The following CNBD2 variants were observed in gnomAD, a reference collection of about 807,000 sequenced individuals.
CNBD2 encodes the protein cyclic nucleotide binding domain containing 2.
CNBD2 carries 64 observed loss-of-function variants against 63.7 expected under a neutral mutation model. That is an observed-to-expected ratio of 1.00 (90% confidence interval 0.82 to 1.24). CNBD2 has a LOEUF of 1.24. CNBD2 is among the 50% of genes most tolerant of loss of function. The pLI is 0.00. For missense variants in CNBD2, 691 were observed against 713.5 expected, an observed-to-expected ratio of 0.97 and a Z score of 0.36; for synonymous variants, 229 against 255.4, an observed-to-expected ratio of 0.90 and a Z score of 0.99.
At chr20:36,013,791 C>T (rs931630053) in intron 10 of CNBD2, among the ~76,000 whole-genome samples, 1 of 152,036 alleles carries the variant, frequency 6.6e-6, no homozygotes, top group Non-Finnish European at 1.5e-5. Flanking sequence ...GCAGGGGGAG[C>T]CTAGAATACT....
Position 35,973,263 on chromosome 20 carries a change from T to C in CNBD2, c.189+497T>C, listed in dbSNP as rs2056448392. On this transcript the variant is annotated intron_variant, in intron 2 of 11. Coordinates refer to ENST00000373973, the MANE Select transcript of CNBD2 (RefSeq NM_001365709.1). ...GAGGTGGTCTCCATTTCAATGGTGA[T>C]CAAAAGAGCCAGAAGCAATCCAGGA... 1.8e-5 allele frequency: 3 copies of C among 163,684 alleles called. No individual in the cohort carries two copies. In the South Asian group the frequency reaches 5.9e-4, roughly 32 times the overall value. 10.1% of individuals were successfully genotyped at this position (163,684 alleles called of 1,614,324 possible).
chr20:35,981,237 TC>T (rs2147234315), intron 4 of CNBD2, among the ~76,000 whole-genome samples: 1 of 152,222 alleles, frequency 6.6e-6, no homozygotes, highest in African/African-American at 2.4e-5. Flanking sequence ...GTTCCTTGGG[TC>T]CCCCTTTCCC....
chr20:35,980,707 C>T (rs2056587125), intron 4 of CNBD2, 85 bp downstream of exon 4: 2 of 1,276,506 alleles, frequency 1.6e-6, no homozygotes, highest in African/African-American at 2.9e-5. Context: ...GCAGGTCCTG[C>T]CCACCCCTCT....
At chr20:36,003,963 G>A (rs1051402550) in intron 8 of CNBD2, among the ~76,000 whole-genome samples, 1 of 152,150 alleles carries the variant, frequency 6.6e-6, no homozygotes, top group African/African-American at 2.4e-5. Flanking sequence ...CCTGCTTCCA[G>A]GCTAACTCAC....
chr20:36,004,302 C>T (rs2056955065), intron 8 of CNBD2, among the ~76,000 whole-genome samples: 2 of 152,154 alleles, frequency 1.3e-5, no homozygotes, highest in Non-Finnish European at 2.9e-5. Flanking sequence ...TCAGGGGAAA[C>T]TCTCTGCAGA....
intron 10 of CNBD2, among the ~76,000 whole-genome samples, chr20:36,019,697 G>A (rs2057182974): frequency 6.6e-6 from 1 of 152,062 alleles, no homozygotes; most frequent in Admixed American, 6.6e-5. Context: ...AGGCAGCAGT[G>A]ACATGAGGCT....
chr20:35,980,796 C>T (rs1214817293), intron 4 of CNBD2, among the ~76,000 whole-genome samples, 174 bp downstream of exon 4: 1 of 152,166 alleles, frequency 6.6e-6, no homozygotes, highest in Non-Finnish European at 1.5e-5. Context: ...CCCTTTATCT[C>T]GCTCACTTAT....
intron 10 of CNBD2, among the ~76,000 whole-genome samples, chr20:36,023,380 C>T (rs544070879): frequency 4.6e-5 from 7 of 152,146 alleles, no homozygotes; most frequent in Non-Finnish European, 7.4e-5. Context: ...CAAAAGGTAG[C>T]GCATGCCTGT....
chr20:36,029,051 C>T (rs778410299), intron 11 of CNBD2, among the ~76,000 whole-genome samples: 7 of 152,020 alleles, frequency 4.6e-5, no homozygotes, highest in Admixed American at 2.6e-4. Context: ...GAACTGAGAC[C>T]CCTGTGTGAA....
intron 10 of CNBD2, among the ~76,000 whole-genome samples, chr20:36,018,201 G>C (rs1298786673): frequency 6.6e-6 from 1 of 152,186 alleles, no homozygotes; most frequent in African/African-American, 2.4e-5. Context: ...GGCCTGGGCA[G>C]GATGGAGGCA....
chr20:36,000,132 A>C (rs1395432895), intron 8 of CNBD2, among the ~76,000 whole-genome samples: 1 of 152,070 alleles, frequency 6.6e-6, no homozygotes, highest in East Asian at 1.9e-4. Flanking sequence ...ACTTCCTTTA[A>C]CATTTCTTGT....
chr20:35,988,991 T>C (rs1175368861), intron 7 of CNBD2, among the ~76,000 whole-genome samples: 2 of 152,220 alleles, frequency 1.3e-5, no homozygotes, highest in Non-Finnish European at 2.9e-5. Context: ...TGGTTGATAA[T>C]GAAAAGAAAA....
chr20:35,972,430 A>G (rs1316161664), intron 1 of CNBD2, among the ~76,000 whole-genome samples, 199 bp from the exon 2 acceptor site: 1 of 152,164 alleles, frequency 6.6e-6, no homozygotes, highest in African/African-American at 2.4e-5. Flanking sequence ...AAGTACTCCT[A>G]CCATGGCCAG....
In CNBD2 at chr20:35,980,575, C is replaced by A. The variant is rs757110290; in HGVS notation, c.360C>A (p.Tyr120Ter). The A allele has an allele frequency of 1.2e-6, 2 of 1,614,016 alleles. No individual in the cohort carries two copies. Among genetic ancestry groups the A allele is most frequent in the Non-Finnish European group, 1.7e-6 (2 of 1,180,034 alleles). Residue 120 changes from tyrosine (Y) to a stop codon, truncating the protein, a stop_gained, in exon 4 of 12, where the codon TAC becomes TAA. Coordinates refer to ENST00000373973, the MANE Select transcript of CNBD2 (RefSeq NM_001365709.1). LOFTEE classifies it high-confidence loss of function. Reference sequence around the variant, plus strand: ...AGGTTCTGGATAGCTATCGGAACTACGCAGAGCCCCTGCAGCTGCTCCTGG... The same window carrying A: ...AGGTTCTGGATAGCTATCGGAACTAAGCAGAGCCCCTGCAGCTGCTCCTGG... ...ILQVLDSYRN[Y>*]AEPLQLLLAK...
At chr20:35,990,329 A>G (rs139658936) in intron 7 of CNBD2, among the ~76,000 whole-genome samples, 2 of 152,292 alleles carry the variant, frequency 1.3e-5, no homozygotes, top group East Asian at 3.9e-4. Flanking sequence ...TCGTCTAACA[A>G]TATTTAAAAG....
At chr20:35,981,042 C>T (rs887445882) in intron 4 of CNBD2, among the ~76,000 whole-genome samples, 1 of 152,206 alleles carries the variant, frequency 6.6e-6, no homozygotes, top group Non-Finnish European at 1.5e-5. Context: ...TGAATTACCA[C>T]TGAGGTCAGT....
chr20:35,976,385 C>A (rs1568861045), intron 3 of CNBD2, among the ~76,000 whole-genome samples: 1 of 152,114 alleles, frequency 6.6e-6, no homozygotes, highest in African/African-American at 2.4e-5. Context: ...TCTGGTTCTA[C>A]CCTGAATTCT....
At chr20:35,989,055 C>T (rs2056707097) in intron 7 of CNBD2, among the ~76,000 whole-genome samples, 1 of 152,168 alleles carries the variant, frequency 6.6e-6, no homozygotes, top group Non-Finnish European at 1.5e-5. Flanking sequence ...TCACATGCTT[C>T]ATCTCATTTT....
upstream of CNBD2, among the ~76,000 whole-genome samples, chr20:35,965,844 T>G (rs369818388): frequency 2.2e-4 from 34 of 152,308 alleles, no homozygotes; most frequent in African/African-American, 5.5e-4. Context: ...ACTTCCTGCT[T>G]CTTCTTCCCC....
Sources: allele counts gnomAD v4.1 joint callset (sites outside exome capture counted in the v4.1 genomes callset), GRCh38; gene constraint gnomAD v4.1.1; transcripts MANE v1.5; gene names NCBI Gene and HGNC (gene_info 2026-07-23, HGNC 2026-07-21).